The following PTPRD variants were observed in gnomAD, a reference collection of about 807,000 sequenced individuals.
PTPRD encodes protein tyrosine phosphatase receptor type D, also known as receptor-type tyrosine-protein phosphatase delta.
A neutral mutation model predicts 214.5 loss-of-function variants in PTPRD; 34 were observed. The ratio of observed to expected loss-of-function variants is 0.16; its 90% CI spans 0.12 to 0.21. The LOEUF (loss-of-function observed/expected upper bound fraction) is 0.21, where lower values mean the gene tolerates loss of function less well. Ranked by LOEUF, PTPRD falls within the 10% of genes least tolerant of loss-of-function variation. PTPRD has a pLI of 1.00. For missense variants in PTPRD, 2,545 were observed against 2,398.7 expected, an observed-to-expected ratio of 1.06 and a Z score of -1.27; for synonymous variants, 1,128 against 845.7, an observed-to-expected ratio of 1.33 and a Z score of -5.79.
chr9:10,597,709 C>T (rs915639612), intron 2 of PTPRD, among the ~76,000 whole-genome samples: 7 of 151,686 alleles, frequency 4.6e-5, no homozygotes, highest in African/African-American at 1.2e-4. Context: ...TTAGGAATAT[C>T]GGCTGTAATT....
intron 3 of PTPRD, among the ~76,000 whole-genome samples, chr9:10,195,330 C>CA (rs1482744696): frequency 1.3e-5 from 2 of 152,032 alleles, no homozygotes; most frequent in African/African-American, 4.8e-5. Flanking sequence ...TAGTTTTTCT[C>CA]AAAATCCTTT....
chr9:9,593,290 AAACTT>A (rs1385966602), intron 7 of PTPRD, among the ~76,000 whole-genome samples: 5 of 150,700 alleles, frequency 3.3e-5, no homozygotes, highest in African/African-American at 9.8e-5. Flanking sequence ...TTTTTTATGG[AAACTT>A]AACTTTTTTT....
intron 8 of PTPRD, among the ~76,000 whole-genome samples, chr9:9,428,180 G>A (rs1230396056): frequency 6.6e-6 from 1 of 152,080 alleles, no homozygotes; most frequent in African/African-American, 2.4e-5. Context: ...CTCACGTGCA[G>A]AGACACACAG....
intron 12 of PTPRD, among the ~76,000 whole-genome samples, chr9:8,660,096 T>C (rs2097006441): frequency 6.6e-6 from 1 of 152,248 alleles, no homozygotes. Flanking sequence ...CAAATGTGTT[T>C]TTCAGAAATT....
rs555073193 is a variant in PTPRD, at chr9:10,015,552, T to C, written c.-472+18166A>G. On this transcript the variant is annotated intron_variant, in intron 4 of 45. Transcript: ENST00000381196. Reference sequence around the variant, plus strand: ...AAATATAAAGGCAGTTAGTATTTTATAGGATACTGAAGAAGTAGGAGTCAA... The same window carrying C: ...AAATATAAAGGCAGTTAGTATTTTACAGGATACTGAAGAAGTAGGAGTCAA... 3.3e-5 allele frequency among the ~76,000 whole-genome samples: 5 copies of C among 152,322 alleles called. No homozygotes were observed. In the South Asian group the frequency reaches 6.2e-4, roughly 19 times the overall value.
chr9:10,224,230 C>A (rs1416086950), intron 3 of PTPRD, among the ~76,000 whole-genome samples: 2 of 151,894 alleles, frequency 1.3e-5, no homozygotes, highest in East Asian at 1.9e-4. Context: ...ATAGTATATA[C>A]CTTAATAACA....
chr9:9,333,260 A>C (rs1018400812), intron 9 of PTPRD, among the ~76,000 whole-genome samples: 1 of 151,742 alleles, frequency 6.6e-6, no homozygotes, highest in Admixed American at 6.6e-5. Context: ...AGGGCTTGAA[A>C]TGTGGCTGCA....
intron 3 of PTPRD, among the ~76,000 whole-genome samples, chr9:10,304,411 G>A (rs188752493): frequency 2.1e-3 from 314 of 152,128 alleles, no homozygotes; most frequent in African/African-American, 6.9e-3. Context: ...AGTTCTGGCC[G>A]GTGAATCAGG....
At chr9:10,069,498 T>A (rs2097953023) in intron 3 of PTPRD, among the ~76,000 whole-genome samples, 1 of 151,992 alleles carries the variant, frequency 6.6e-6, no homozygotes, top group Non-Finnish European at 1.5e-5. Context: ...ATAGCTCCAG[T>A]GGAGTTGCTC....
intron 11 of PTPRD, among the ~76,000 whole-genome samples, chr9:8,756,150 A>G (rs1046185902): frequency 6.6e-6 from 1 of 152,188 alleles, no homozygotes; most frequent in East Asian, 1.9e-4. Flanking sequence ...CGAGACAGTC[A>G]AAGAACCAGA....
At chr9:8,614,679 C>A (rs931822739) in intron 14 of PTPRD, among the ~76,000 whole-genome samples, 2 of 152,050 alleles carry the variant, frequency 1.3e-5, no homozygotes, top group African/African-American at 4.8e-5. Context: ...GGATCTGGCA[C>A]ATTGGGATCT....
chr9:9,472,303 A>G (rs1051272029), intron 8 of PTPRD, among the ~76,000 whole-genome samples: 1 of 147,046 alleles, frequency 6.8e-6, no homozygotes, highest in East Asian at 2.0e-4. Flanking sequence ...TCCCGGGTTC[A>G]CGCCATTCTC....
chr9:8,892,861 A>G (rs969560359), intron 11 of PTPRD, among the ~76,000 whole-genome samples: 1 of 152,010 alleles, frequency 6.6e-6, no homozygotes, highest in Non-Finnish European at 1.5e-5. Flanking sequence ...AAGCACACAG[A>G]TAATTCACTG....
chr9:8,499,278 G>T (rs1242941996), intron 25 of PTPRD, among the ~76,000 whole-genome samples: 1 of 152,156 alleles, frequency 6.6e-6, no homozygotes, highest in Admixed American at 6.5e-5. Context: ...AGTTGTTTTA[G>T]CACAGAAGAA....
At chr9:9,871,317 A>C (rs531363358) in intron 5 of PTPRD, among the ~76,000 whole-genome samples, 3 of 152,328 alleles carry the variant, frequency 2.0e-5, no homozygotes, top group African/African-American at 4.8e-5. Flanking sequence ...TGACAATTGC[A>C]CAAGAGAAAT....
At chr9:10,208,290 G>A (rs1288535565) in intron 3 of PTPRD, among the ~76,000 whole-genome samples, 1 of 152,206 alleles carries the variant, frequency 6.6e-6, no homozygotes, top group East Asian at 1.9e-4. Flanking sequence ...CGAGGAGGGC[G>A]GATCACGAGG....
intron 3 of PTPRD, among the ~76,000 whole-genome samples, chr9:10,277,246 T>TA (rs145152261): frequency 0.035 from 5,192 of 148,182 alleles, 134 homozygotes; most frequent in South Asian, 0.06. Flanking sequence ...AACATAAACA[T>TA]AAAAAAAAAA....
At chr9:9,396,295 G>C (rs985665533) in intron 9 of PTPRD, among the ~76,000 whole-genome samples, 3 of 151,948 alleles carry the variant, frequency 2.0e-5, no homozygotes, top group Non-Finnish European at 1.5e-5. Context: ...ACTATTTACA[G>C]CATGGTCTTT....
chr9:9,322,601 T>C (rs772260045), intron 9 of PTPRD, among the ~76,000 whole-genome samples: 8 of 152,176 alleles, frequency 5.3e-5, no homozygotes, highest in Non-Finnish European at 1.2e-4. Flanking sequence ...AGGAGTAACA[T>C]ATGCATGTCA....
Sources: allele counts gnomAD v4.1 joint callset (sites outside exome capture counted in the v4.1 genomes callset), GRCh38; gene constraint gnomAD v4.1.1; transcripts MANE v1.5; gene names NCBI Gene and HGNC (gene_info 2026-07-23, HGNC 2026-07-21).